Variants in GAS2 observed in about 807,000 individuals in gnomAD.
GAS2 encodes growth arrest-specific protein 2.
Under a neutral mutation model 37.5 loss-of-function variants are expected in GAS2, and 20 were observed. The observed-to-expected ratio is 0.53, with a 90% CI of 0.37 to 0.77. The LOEUF is 0.77. Ranked by LOEUF, GAS2 falls within the 30% of genes least tolerant of loss-of-function variation. The pLI, the probability that GAS2 is intolerant of heterozygous loss-of-function variation, is 0.00. For synonymous variants in GAS2, 144 were observed against 132.2 expected (o/e 1.09, Z -0.61); for missense variants, 336 against 373.4 (o/e 0.90, Z 0.82).
Position 22,804,212 on chromosome 11 carries a change from A to G in GAS2, c.724-7586A>G, listed in dbSNP as rs551261167. The stretch of plus-strand genomic sequence containing the variant: ...AACAGAGAATGGTTAGAGTCAGAAA[A>G]GCAGTAGACAAAGGACAGAATATGT... On this transcript the variant is annotated intron_variant, in intron 7 of 7. Transcript: ENST00000454584. Among the ~76,000 whole-genome samples the G allele has an allele frequency of 1.1e-4, 17 of 152,240 alleles. No homozygotes were observed. The South Asian group carries it at 3.5e-3, about 32-fold the overall frequency.
At chr11:22,684,592 T>C (rs1202381619) in intron 2 of GAS2, among the ~76,000 whole-genome samples, 5 of 152,104 alleles carry the variant, frequency 3.3e-5, no homozygotes, top group African/African-American at 1.2e-4. Context: ...AAAGATACGT[T>C]TAGAAAGAGT....
intron 2 of GAS2, among the ~76,000 whole-genome samples, chr11:22,681,400 G>A (rs143845983): frequency 7.9e-4 from 120 of 152,282 alleles, no homozygotes; most frequent in South Asian, 4.3e-3. Context: ...CTGGCAAGTT[G>A]TCATTCTTGA....
At chr11:22,800,110 T>C (rs951222008) in intron 7 of GAS2, among the ~76,000 whole-genome samples, 1 of 152,010 alleles carries the variant, frequency 6.6e-6, no homozygotes, top group African/African-American at 2.4e-5. Context: ...GCAGTGCACA[T>C]CCTGAACAGT....
chr11:22,685,191 G>A (rs372421655), intron 2 of GAS2, among the ~76,000 whole-genome samples: 137 of 152,134 alleles, frequency 9.0e-4, no homozygotes, highest in Admixed American at 3.2e-3. Flanking sequence ...AGAGACCTAC[G>A]GCGTTCTTGT....
chr11:22,646,294 T>TA (rs892405167), intron 1 of GAS2, among the ~76,000 whole-genome samples: 7 of 152,274 alleles, frequency 4.6e-5, no homozygotes, highest in South Asian at 2.1e-4. Flanking sequence ...AGATTATAGT[T>TA]AAAAAAAGGA....
intron 5 of GAS2, among the ~76,000 whole-genome samples, chr11:22,741,687 A>T (rs1853090423): frequency 6.6e-6 from 1 of 152,170 alleles, no homozygotes; most frequent in Admixed American, 6.5e-5. Flanking sequence ...TACAAAGATG[A>T]TTAACTGACC....
At chr11:22,758,828 G>T (rs1300976669) in intron 7 of GAS2, among the ~76,000 whole-genome samples, 1 of 150,484 alleles carries the variant, frequency 6.6e-6, no homozygotes, top group Non-Finnish European at 1.5e-5. Context: ...CAGGAGAATT[G>T]CTTGAACCCA....
At chr11:22,746,350 C>T (rs560472069) in intron 5 of GAS2, among the ~76,000 whole-genome samples, 6 of 152,212 alleles carry the variant, frequency 3.9e-5, no homozygotes, top group Non-Finnish European at 8.8e-5. Flanking sequence ...CCATCAATCG[C>T]GTTACTAGGT....
chr11:22,769,807 A>C (rs1854881584), intron 7 of GAS2, among the ~76,000 whole-genome samples: 3 of 152,264 alleles, frequency 2.0e-5, no homozygotes, highest in Non-Finnish European at 4.4e-5. Flanking sequence ...AAGATGCTAC[A>C]TAAATTACAT....
In GAS2 at chr11:22,626,015, C is replaced by T. The variant is rs192286892; in HGVS notation, c.-21+202C>T. The T allele has an allele frequency of 6.1e-6, 4 of 654,732 alleles. No homozygotes were observed. The East Asian group carries it at 8.4e-5, about 14-fold the overall frequency. The allele number at this position is 654,732 out of a possible 1,614,324, so 40.6% of individuals were successfully genotyped here. Reference sequence around the variant, plus strand: ...TTTACTTTCGCCACACAAAGAGGTTCTTCTTAGTGGAGGGAGAGCAGATGT... The same window carrying T: ...TTTACTTTCGCCACACAAAGAGGTTTTTCTTAGTGGAGGGAGAGCAGATGT... On this transcript the variant is annotated intron_variant, in intron 1 of 5. Transcript: ENST00000528582.
chr11:22,653,482 A>C (rs1261142629), intron 1 of GAS2, among the ~76,000 whole-genome samples: 1 of 152,208 alleles, frequency 6.6e-6, no homozygotes, highest in East Asian at 1.9e-4. Context: ...AAAGGTATCA[A>C]GAAACTTTCT....
intron 3 of GAS2, among the ~76,000 whole-genome samples, chr11:22,688,899 T>C (rs1391762810): frequency 6.6e-6 from 1 of 152,096 alleles, no homozygotes; most frequent in Non-Finnish European, 1.5e-5. Flanking sequence ...TAGATACTCA[T>C]CAACGGTGGA....
Position 22,675,078 on chromosome 11 carries a change from T to C in GAS2, c.145+64T>C, listed in dbSNP as rs1849363164. ...AGTTTTTGTTTTATTTTTCCTCCTGTAGTGTCCTTCACCTAAGCATGTGAT... is the reference window on the plus strand; with the variant it reads ...AGTTTTTGTTTTATTTTTCCTCCTGCAGTGTCCTTCACCTAAGCATGTGAT... On this transcript the variant is annotated intron_variant, in intron 2 of 7. Coordinates refer to ENST00000454584, the MANE Select transcript of GAS2 (RefSeq NM_001143830.3). The C allele has an allele frequency of 6.5e-6, 10 of 1,527,618 alleles. No individual in the cohort carries two copies. In the South Asian group the frequency reaches 1.2e-4, roughly 19 times the overall value. 94.6% of individuals were successfully genotyped at this position (1,527,618 alleles called of 1,614,324 possible). A position where few individuals can be genotyped will look rare whatever the true frequency, so the allele number is the denominator to read the frequency against.
chr11:22,786,261 C>T (rs896225231), intron 7 of GAS2, among the ~76,000 whole-genome samples: 6 of 152,056 alleles, frequency 3.9e-5, no homozygotes, highest in African/African-American at 1.2e-4. Context: ...TGAACTTCAT[C>T]CGAGCTGTCA....
chr11:22,686,357 T>C (rs1849945879), intron 3 of GAS2, among the ~76,000 whole-genome samples: 2 of 151,960 alleles, frequency 1.3e-5, no homozygotes, highest in African/African-American at 4.8e-5. Flanking sequence ...TTGACTTTTT[T>C]TGAAGAAAAC....
At chr11:22,706,789 A>G (rs917053757) in intron 3 of GAS2, among the ~76,000 whole-genome samples, 1 of 152,068 alleles carries the variant, frequency 6.6e-6, no homozygotes, top group African/African-American at 2.4e-5. Context: ...GTGCTGCAAT[A>G]AACATATGTG....
intron 5 of GAS2, 103 bp downstream of exon 5, chr11:22,737,871 T>C: frequency 2.0e-6 from 2 of 1,013,826 alleles, no homozygotes; most frequent in Non-Finnish European, 3.1e-6. Context: ...ACCTGGATGT[T>C]GAGAAGCTAC....
chr11:22,654,159 T>C (rs77675143), intron 1 of GAS2, among the ~76,000 whole-genome samples: 2,446 of 152,308 alleles, frequency 0.016, 59 homozygotes, highest in African/African-American at 0.056. Context: ...AATAACTTTG[T>C]TGTTGTTTTA....
At chr11:22,783,734 C>A (rs1855681603) in intron 7 of GAS2, among the ~76,000 whole-genome samples, 1 of 152,146 alleles carries the variant, frequency 6.6e-6, no homozygotes, top group African/African-American at 2.4e-5. Flanking sequence ...ATCCCCATGT[C>A]AAGAAGGATA....
Sources: gnomAD v4.1 joint callset for allele counts (sites outside exome capture counted in the v4.1 genomes callset) on GRCh38, gnomAD v4.1.1 for gene constraint, MANE v1.5 for transcripts, NCBI Gene and HGNC (gene_info 2026-07-23, HGNC 2026-07-21) for gene names.